Variants in BTBD9 observed in about 807,000 individuals in gnomAD.
The protein encoded by BTBD9 is BTB/POZ domain-containing protein 9.
A neutral mutation model predicts 64.3 loss-of-function variants in BTBD9; 49 were observed. That is an observed-to-expected ratio of 0.76 (90% CI 0.61 to 0.97). The LOEUF is 0.97. Ranked by LOEUF, BTBD9 falls within the 50% of genes least tolerant of loss-of-function variation. The pLI is 0.00. For synonymous variants in BTBD9, 260 were observed against 274.7 expected (o/e 0.95, Z 0.53); for missense variants, 598 against 762.1 (o/e 0.78, Z 2.53).
intron 6 of BTBD9, among the ~76,000 whole-genome samples, chr6:38,438,233 AGGGAGGGAGGG>A (rs1562186797): frequency 1.5e-5 from 1 of 64,612 alleles, no homozygotes. Flanking sequence ...GGAGGGAGGG[AGGGAGGGAGGG>A]AGGGAGGAAG....
intron 6 of BTBD9, among the ~76,000 whole-genome samples, chr6:38,493,022 C>T (rs1393762913): frequency 2.0e-5 from 3 of 151,622 alleles, no homozygotes; most frequent in Non-Finnish European, 4.4e-5. Flanking sequence ...CTCATTAAAG[C>T]AAAAAAGAAA....
intron 6 of BTBD9, among the ~76,000 whole-genome samples, chr6:38,393,173 C>A (rs181809050): frequency 6.6e-6 from 1 of 152,108 alleles, no homozygotes; most frequent in South Asian, 2.1e-4. Flanking sequence ...GGATTACAGG[C>A]GTGAGCCACT....
chr6:38,414,361 A>G (rs1409665691), intron 6 of BTBD9, among the ~76,000 whole-genome samples: 1 of 152,166 alleles, frequency 6.6e-6, no homozygotes, highest in African/African-American at 2.4e-5. Flanking sequence ...CATCTCATAC[A>G]TAATAGCTAA....
In BTBD9 at chr6:38,422,410, G is replaced by A. The variant is rs147640816; in HGVS notation, c.1155-77317C>T. On this transcript the variant is annotated intron_variant, in intron 6 of 10. Coordinates refer to ENST00000481247, the MANE Select transcript of BTBD9 (RefSeq NM_001099272.2). ...TACTTTATACATTTTAGAATAAGCT[G>A]ATTAAATTCCACTAAAAACAGTTGG... Among the ~76,000 whole-genome samples the A allele has an allele frequency of 2.3e-3, 350 of 152,144 alleles. 1 individual carries two copies. The highest frequency in any genetic ancestry group is 7.4e-3 in the African/African-American group (305 of 41,496).
At chr6:38,347,849 T>C (rs1017941109) in intron 6 of BTBD9, among the ~76,000 whole-genome samples, 6 of 152,154 alleles carry the variant, frequency 3.9e-5, no homozygotes, top group Non-Finnish European at 7.4e-5. Flanking sequence ...ATACAAAAAT[T>C]AGCCAGGCTT....
intron 1 of BTBD9, among the ~76,000 whole-genome samples, chr6:38,603,719 GC>G (rs1328304307): frequency 3.9e-5 from 6 of 152,220 alleles, no homozygotes; most frequent in Non-Finnish European, 8.8e-5. Flanking sequence ...CCCCTGGGAA[GC>G]CCTCTCTGCC....
chr6:38,340,985 A>G (rs1764074225), intron 7 of BTBD9, among the ~76,000 whole-genome samples: 1 of 152,238 alleles, frequency 6.6e-6, no homozygotes. Context: ...GCTAAATGTT[A>G]CCACGGAAAT....
At chr6:38,272,215 G>T (rs1765221425) in intron 8 of BTBD9, among the ~76,000 whole-genome samples, 1 of 152,058 alleles carries the variant, frequency 6.6e-6, no homozygotes, top group South Asian at 2.1e-4. Context: ...AAAAAATAAA[G>T]TTTTATAGTC....
chr6:38,270,203 A>G (rs972934104), intron 8 of BTBD9, among the ~76,000 whole-genome samples: 33 of 152,146 alleles, frequency 2.2e-4, no homozygotes, highest in African/African-American at 6.3e-4. Context: ...TATGTCCTCT[A>G]TGCCTTATAA....
chr6:38,278,943 A>G, intron 8 of BTBD9, among the ~76,000 whole-genome samples: 1 of 152,246 alleles, frequency 6.6e-6, no homozygotes, highest in East Asian at 1.9e-4. Context: ...CTCTGCATTT[A>G]TCTATGTAAC....
rs577119428 is a variant in BTBD9, at chr6:38,616,205, C to T, written c.-27-18084G>A. Among the ~76,000 whole-genome samples the T allele has an allele frequency of 3.9e-5, 6 of 152,196 alleles. No homozygotes were observed. In the East Asian group the frequency reaches 1.2e-3, roughly 29 times the overall value. On this transcript the variant is annotated intron_variant, in intron 1 of 10. Transcript: ENST00000481247. Reference sequence around the variant, plus strand: ...GATCTCAGTGGTATAATCACAAGAACCAAATTCTGCTACCAACCACTGAGC... The same window carrying T: ...GATCTCAGTGGTATAATCACAAGAATCAAATTCTGCTACCAACCACTGAGC...
chr6:38,254,021 T>C (rs1417444322), intron 9 of BTBD9, among the ~76,000 whole-genome samples: 2 of 148,326 alleles, frequency 1.3e-5, no homozygotes, highest in Non-Finnish European at 3.0e-5. Context: ...TCAATGTGAC[T>C]AGTTCATCTC....
In BTBD9 at chr6:38,344,976, A is replaced by G. The variant is rs753960781; in HGVS notation, c.1264+8T>C. The G allele has an allele frequency of 2.0e-6, 3 of 1,533,908 alleles. No individual in the cohort carries two copies. Among genetic ancestry groups the G allele is most frequent in the Non-Finnish European group, 2.7e-6 (3 of 1,114,022 alleles). ...ATATACATACAAAAATCTAATGGTA[A>G]TACTTACCTATCAGCCCCTTCTCAA... On this transcript the variant is annotated splice_region_variant and intron_variant, in intron 7 of 10. Coordinates refer to ENST00000481247, the MANE Select transcript of BTBD9 (RefSeq NM_001099272.2).
intron 9 of BTBD9, among the ~76,000 whole-genome samples, chr6:38,194,149 C>A (rs1233377517): frequency 6.6e-6 from 1 of 151,974 alleles, no homozygotes; most frequent in Non-Finnish European, 1.5e-5. Context: ...GCCCATGGGC[C>A]GGCAGGGGAG....
chr6:38,272,627 C>T (rs781127063), intron 8 of BTBD9, among the ~76,000 whole-genome samples: 2 of 152,112 alleles, frequency 1.3e-5, no homozygotes, highest in Non-Finnish European at 2.9e-5. Flanking sequence ...TAAAATCTCA[C>T]TACAGTGAAC....
intron 6 of BTBD9, among the ~76,000 whole-genome samples, chr6:38,543,886 G>C (rs1774406683): frequency 6.6e-6 from 1 of 151,708 alleles, no homozygotes; most frequent in African/African-American, 2.4e-5. Flanking sequence ...GAACCTGGGA[G>C]GCGGAGCTTG....
chr6:38,282,300 G>T (rs983105364), intron 8 of BTBD9, among the ~76,000 whole-genome samples: 4 of 152,110 alleles, frequency 2.6e-5, no homozygotes, highest in Admixed American at 1.3e-4. Flanking sequence ...AATAAAATGC[G>T]TAACTTTTGC....
At chr6:38,177,863 A>G (rs1761347722) in intron 10 of BTBD9, among the ~76,000 whole-genome samples, 1 of 152,240 alleles carries the variant, frequency 6.6e-6, no homozygotes, top group Non-Finnish European at 1.5e-5. Context: ...CTGACAGCCA[A>G]TCTCAACTGC....
chr6:38,275,620 A>G (rs1765360133), intron 8 of BTBD9, among the ~76,000 whole-genome samples: 1 of 151,806 alleles, frequency 6.6e-6, no homozygotes, highest in African/African-American at 2.4e-5. Flanking sequence ...GCTAATATCC[A>G]GAATCTACAA....
Sources: gnomAD v4.1 joint callset for allele counts (sites outside exome capture counted in the v4.1 genomes callset) on GRCh38, gnomAD v4.1.1 for gene constraint, MANE v1.5 for transcripts, NCBI Gene and HGNC (gene_info 2026-07-23, HGNC 2026-07-21) for gene names.